SPP2: variants seen among roughly 807,000 people sequenced by gnomAD.
The protein encoded by SPP2 is secreted phosphoprotein 24.
SPP2 carries 34 observed loss-of-function variants against 28.8 expected under a neutral mutation model. That is an observed-to-expected ratio of 1.18 (90% CI 0.90 to 1.57). The LOEUF (loss-of-function observed/expected upper bound fraction) is 1.57, where lower values mean the gene tolerates loss of function less well. Ranked by LOEUF, SPP2 falls within the 40% of genes most tolerant of loss-of-function variation. The pLI is 0.00. For missense variants in SPP2, 269 were observed against 263.9 expected (o/e 1.02, Z -0.13); for synonymous variants, 96 against 89.4 (o/e 1.07, Z -0.42).
At chr2:234,072,187 T>C (rs2125473211) in intron 7 of SPP2, among the ~76,000 whole-genome samples, 1 of 152,350 alleles carries the variant, frequency 6.6e-6, no homozygotes. Flanking sequence ...CATTGAAATT[T>C]GAAAGAAATC....
intron 2 of SPP2, among the ~76,000 whole-genome samples, chr2:234,052,465 A>G (rs1463479829): frequency 6.6e-6 from 1 of 152,224 alleles, no homozygotes; most frequent in Admixed American, 6.5e-5. Flanking sequence ...ATGAGGATAG[A>G]TCCCAAGAGA....
At chr2:234,053,766 T>C (rs1364374057) in intron 2 of SPP2, among the ~76,000 whole-genome samples, 1 of 152,056 alleles carries the variant, frequency 6.6e-6, no homozygotes, top group East Asian at 1.9e-4. Flanking sequence ...TAGGCTCACT[T>C]GGACTATTCC....
At chr2:234,060,733 G>GCACACACA (rs1157667825) in intron 4 of SPP2, among the ~76,000 whole-genome samples, 1 of 144,288 alleles carries the variant, frequency 6.9e-6, no homozygotes, top group Non-Finnish European at 1.5e-5. Context: ...ACACACATAT[G>GCACACACA]CACACACACA....
intron 5 of SPP2, 123 bp from the exon 6 acceptor site, chr2:234,067,101 C>T (rs998265603): frequency 5.2e-6 from 5 of 962,700 alleles, no homozygotes; most frequent in African/African-American, 3.2e-5. Flanking sequence ...GGCAATAAAA[C>T]TCAATGGTGA....
chr2:234,067,149 G>C, intron 5 of SPP2, 75 bp from the exon 6 acceptor site: 1 of 1,325,696 alleles, frequency 7.5e-7, no homozygotes, highest in East Asian at 2.3e-5. Context: ...CATATTTGTG[G>C]CATTAACAGT....
intron 4 of SPP2, among the ~76,000 whole-genome samples, chr2:234,062,468 G>A (rs567559730): frequency 1.0e-3 from 153 of 152,176 alleles, no homozygotes; most frequent in Non-Finnish European, 2.0e-3. Context: ...GGTGGAGCTG[G>A]AGGAACATTA....
At chr2:234,067,876 C>A (rs1166531813) in intron 6 of SPP2, among the ~76,000 whole-genome samples, 1 of 148,058 alleles carries the variant, frequency 6.8e-6, no homozygotes, top group East Asian at 2.0e-4. Context: ...TTTTCTGACA[C>A]TCTCTGGAGC....
At chr2:234,064,231 T>G (rs1397882823) in intron 4 of SPP2, among the ~76,000 whole-genome samples, 2 of 94,714 alleles carry the variant, frequency 2.1e-5, no homozygotes, top group Non-Finnish European at 4.6e-5. Flanking sequence ...CTCCTCCATC[T>G]TCTCCTCCTT....
At chr2:234,052,430 A>G (rs1507518) in intron 2 of SPP2, among the ~76,000 whole-genome samples, 16,986 of 152,232 alleles carry the variant, frequency 0.11, 1,997 homozygotes, top group African/African-American at 0.29. Context: ...GAAGAAAGTT[A>G]GCAGTTTATT....
chr2:234,072,448 C>T (rs1026011293), intron 7 of SPP2, among the ~76,000 whole-genome samples: 6 of 151,886 alleles, frequency 4.0e-5, no homozygotes, highest in East Asian at 1.9e-4. Flanking sequence ...ATAGAGTTCT[C>T]AATGGATTGG....
At chr2:234,058,785 A>C in intron 2 of SPP2, 51 bp from the exon 3 acceptor site, 1 of 1,577,772 alleles carries the variant, frequency 6.3e-7, no homozygotes, top group Non-Finnish European at 8.6e-7. Context: ...TTATAGCATC[A>C]TAAACTTCAG....
At chr2:234,062,411 A>C (rs148836240) in intron 4 of SPP2, among the ~76,000 whole-genome samples, 3 of 152,274 alleles carry the variant, frequency 2.0e-5, no homozygotes, top group Middle Eastern at 3.4e-3. Flanking sequence ...AAATGGACAG[A>C]ACTCCATTAC....
intron 4 of SPP2, among the ~76,000 whole-genome samples, chr2:234,065,305 A>G (rs12692253): frequency 0.42 from 63,747 of 151,874 alleles, 14,045 homozygotes; most frequent in East Asian, 0.65. Context: ...TTGTTGACAG[A>G]GTCTCACTCT....
intron 4 of SPP2, 32 bp downstream of exon 4, chr2:234,060,511 G>T (rs761438988): frequency 2.0e-6 from 3 of 1,533,030 alleles, no homozygotes; most frequent in Non-Finnish European, 2.7e-6. Flanking sequence ...CTCCCAGACC[G>T]CACCTCTTAG....
Position 234,050,770 on chromosome 2 carries a change from G to T in SPP2, c.-17G>T, listed in dbSNP as rs761669380. On this transcript the variant is annotated 5_prime_UTR_variant, in exon 1 of 8. Coordinates refer to ENST00000168148, the MANE Select transcript of SPP2 (RefSeq NM_006944.3). ...CCAAACACATAGAGAGACACTCTCT[G>T]TCTCTCGATTACAATCATGATTTCC... The T allele has an allele frequency of 1.9e-6, 3 of 1,611,264 alleles. No individual in the cohort carries two copies. Among genetic ancestry groups the T allele is most frequent in the Non-Finnish European group, 2.5e-6 (3 of 1,177,642 alleles).
intron 4 of SPP2, among the ~76,000 whole-genome samples, chr2:234,060,902 A>G (rs1693708925): frequency 1.3e-5 from 2 of 152,080 alleles, no homozygotes; most frequent in African/African-American, 4.8e-5. Context: ...TGCAATCAAG[A>G]AGGACATTTT....
chr2:234,058,548 AGGATCAATTGTCAC>A (rs1693653530), intron 2 of SPP2, among the ~76,000 whole-genome samples: 1 of 152,200 alleles, frequency 6.6e-6, no homozygotes, highest in Non-Finnish European at 1.5e-5. Context: ...ACAAACAGTG[AGGATCAATTGTCAC>A]TGTAAAGTGT....
chr2:234,052,621 A>C (rs1209318585), intron 2 of SPP2, among the ~76,000 whole-genome samples: 4 of 152,124 alleles, frequency 2.6e-5, no homozygotes, highest in African/African-American at 7.2e-5. Context: ...AAATAGATAC[A>C]ATTATATGCG....
At chr2:234,062,292 G>C (rs1693734646) in intron 4 of SPP2, among the ~76,000 whole-genome samples, 1 of 152,206 alleles carries the variant, frequency 6.6e-6, no homozygotes, top group Admixed American at 6.5e-5. Context: ...GAACTGGAAG[G>C]CGGGTAGAAG....
Sources: allele counts gnomAD v4.1 joint callset (sites outside exome capture counted in the v4.1 genomes callset), GRCh38; gene constraint gnomAD v4.1.1; transcripts MANE v1.5; gene names NCBI Gene and HGNC (gene_info 2026-07-23, HGNC 2026-07-21).